The following VWC2L variants were observed in gnomAD, a reference collection of about 807,000 sequenced individuals.
The protein encoded by VWC2L is von Willebrand factor C domain containing 2 like.
In VWC2L, 10 loss-of-function variants were observed where a neutral mutation model predicts 21.6. That is an observed-to-expected ratio of 0.46 (90% CI 0.29 to 0.78). The LOEUF is 0.78. Ranked by LOEUF, VWC2L falls within the 30% of genes least tolerant of loss-of-function variation. The pLI is 0.10. For missense variants in VWC2L, 209 were observed against 277.1 expected, an observed-to-expected ratio of 0.75 and a Z score of 1.74; for synonymous variants, 96 against 94.3, an observed-to-expected ratio of 1.02 and a Z score of -0.10.
intron 3 of VWC2L, among the ~76,000 whole-genome samples, chr2:214,478,353 C>T (rs4417709): frequency 0.62 from 94,404 of 151,776 alleles, 32,032 homozygotes; most frequent in South Asian, 0.78. Flanking sequence ...GTGGCAGGCA[C>T]ATGTAATCCC....
chr2:214,516,218 A>G (rs1689140623), intron 3 of VWC2L, among the ~76,000 whole-genome samples: 2 of 151,948 alleles, frequency 1.3e-5, no homozygotes, highest in African/African-American at 4.8e-5. Context: ...CCCGCTGCAT[A>G]GACCTTGATC....
At chr2:214,535,814 A>T (rs1341903484) in intron 3 of VWC2L, among the ~76,000 whole-genome samples, 1 of 151,976 alleles carries the variant, frequency 6.6e-6, no homozygotes, top group East Asian at 1.9e-4. Flanking sequence ...ACACACACAC[A>T]CACACACTAG....
chr2:214,488,416 G>A (rs1365624833), intron 3 of VWC2L, among the ~76,000 whole-genome samples: 1 of 152,060 alleles, frequency 6.6e-6, no homozygotes, highest in Non-Finnish European at 1.5e-5. Flanking sequence ...GTGGCAACAT[G>A]GCAAAACCCT....
At chr2:214,484,109 C>T (rs150502625) in intron 3 of VWC2L, among the ~76,000 whole-genome samples, 1 of 152,136 alleles carries the variant, frequency 6.6e-6, no homozygotes, top group African/African-American at 2.4e-5. Context: ...GGCCTGCTCC[C>T]CTATGCGCCT....
chr2:214,431,142 A>G (rs1702596186), intron 2 of VWC2L, among the ~76,000 whole-genome samples: 1 of 152,218 alleles, frequency 6.6e-6, no homozygotes, highest in African/African-American at 2.4e-5. Context: ...AGTGGATGCT[A>G]AATACTTTTG....
chr2:214,549,367 G>C (rs1357791030), intron 3 of VWC2L, among the ~76,000 whole-genome samples: 1 of 152,164 alleles, frequency 6.6e-6, no homozygotes, highest in Admixed American at 6.5e-5. Flanking sequence ...CACAAATATA[G>C]CAACTTCACC....
chr2:214,498,316 C>T (rs373474847), intron 3 of VWC2L, among the ~76,000 whole-genome samples: 2 of 152,078 alleles, frequency 1.3e-5, no homozygotes, highest in African/African-American at 2.4e-5. Context: ...GCATCTCTGC[C>T]GCTATGCACC....
At chr2:214,439,654 A>C (rs1049464466) in intron 3 of VWC2L, among the ~76,000 whole-genome samples, 1 of 151,946 alleles carries the variant, frequency 6.6e-6, no homozygotes, top group African/African-American at 2.4e-5. Flanking sequence ...CTGAATTACA[A>C]CTTGCCAAAA....
chr2:214,484,269 GTA>G (rs1276935401), intron 3 of VWC2L, among the ~76,000 whole-genome samples: 1 of 152,174 alleles, frequency 6.6e-6, no homozygotes, highest in Non-Finnish European at 1.5e-5. Flanking sequence ...ATTTGGGGGA[GTA>G]CAAGATTCAG....
intron 3 of VWC2L, among the ~76,000 whole-genome samples, chr2:214,511,109 A>G (rs1431033449): frequency 2.0e-5 from 3 of 151,914 alleles, no homozygotes; most frequent in Non-Finnish European, 4.4e-5. Context: ...CAAGATGGAG[A>G]GACCCCATCT....
chr2:214,478,705 T>G (rs934988661), intron 3 of VWC2L, among the ~76,000 whole-genome samples: 2 of 152,172 alleles, frequency 1.3e-5, no homozygotes, highest in Non-Finnish European at 2.9e-5. Context: ...GATCCCTCTG[T>G]CGCATAGCCC....
At chr2:214,556,162 A>G (rs1255397521) in intron 3 of VWC2L, among the ~76,000 whole-genome samples, 2 of 152,240 alleles carry the variant, frequency 1.3e-5, no homozygotes, top group East Asian at 3.8e-4. Flanking sequence ...CAGGGGGCTG[A>G]GGCAGGAGAA....
In VWC2L at chr2:214,578,063, G is replaced by A. The variant is rs921454254; in HGVS notation, c.*2243G>A. On this transcript the variant is annotated 3_prime_UTR_variant, in exon 4 of 4. Transcript: ENST00000312504. ...CTTTAGCTTATGTCTAGACAGAGAT[G>A]TATTATAGAGCTTTCTTTGCCCCGA... is the stretch of plus-strand genomic sequence containing the variant. 2.0e-5 allele frequency: 3 copies of A among 152,142 alleles called. No homozygotes were observed. In the East Asian group the frequency reaches 5.8e-4, roughly 29 times the overall value. 9.4% of individuals were successfully genotyped at this position (152,142 alleles called of 1,614,324 possible). A position where few individuals can be genotyped will look rare whatever the true frequency, so the allele number is the denominator to read the frequency against.
chr2:214,469,586 CT>C (rs1703275267), intron 3 of VWC2L, among the ~76,000 whole-genome samples: 1 of 149,098 alleles, frequency 6.7e-6, no homozygotes, highest in Non-Finnish European at 1.5e-5. Context: ...CAGAGGGAGA[CT>C]CTGTCTCCAA....
intron 3 of VWC2L, among the ~76,000 whole-genome samples, chr2:214,489,556 C>A (rs1318335436): frequency 6.6e-6 from 1 of 152,124 alleles, no homozygotes; most frequent in Non-Finnish European, 1.5e-5. Flanking sequence ...ATGAAAATTA[C>A]AGAAAGCAGA....
At chr2:214,560,583 TAGA>T (rs1408620666) in intron 3 of VWC2L, among the ~76,000 whole-genome samples, 4 of 152,210 alleles carry the variant, frequency 2.6e-5, no homozygotes, top group Admixed American at 6.5e-5. Flanking sequence ...TCGTCAGAAG[TAGA>T]AGGTTTGTTG....
In VWC2L at chr2:214,578,134, T is replaced by A. The variant is rs148334753; in HGVS notation, c.*2314T>A. Reference sequence around the variant, plus strand: ...AAAAATCCACACTCTTGGAAAGAAATAATAATAATAAATGACAGGAATAAG... The same window carrying A: ...AAAAATCCACACTCTTGGAAAGAAAAAATAATAATAAATGACAGGAATAAG... On this transcript the variant is annotated 3_prime_UTR_variant, in exon 4 of 4. Coordinates refer to ENST00000312504, the MANE Select transcript of VWC2L (RefSeq NM_001080500.4). 2.0e-5 allele frequency: 3 copies of A among 152,090 alleles called. No individual in the cohort carries two copies. Among genetic ancestry groups the A allele is most frequent in the African/African-American group, 7.2e-5 (3 of 41,418 alleles). 9.4% of individuals were successfully genotyped at this position (152,090 alleles called of 1,614,324 possible).
At chr2:214,510,571 C>T (rs1689037116) in intron 3 of VWC2L, among the ~76,000 whole-genome samples, 1 of 152,166 alleles carries the variant, frequency 6.6e-6, no homozygotes, top group African/African-American at 2.4e-5. Flanking sequence ...TCCTCTCTCA[C>T]AGTTCTAGGA....
chr2:214,557,003 T>A (rs1273084535), intron 3 of VWC2L, among the ~76,000 whole-genome samples: 1 of 152,196 alleles, frequency 6.6e-6, no homozygotes, highest in Non-Finnish European at 1.5e-5. Flanking sequence ...GTCTTCTTAC[T>A]GTTCCCTGTT....
Sources: gnomAD v4.1 joint callset for allele counts (sites outside exome capture counted in the v4.1 genomes callset) on GRCh38, gnomAD v4.1.1 for gene constraint, MANE v1.5 for transcripts, NCBI Gene and HGNC (gene_info 2026-07-23, HGNC 2026-07-21) for gene names.